ARL8B: variants seen among roughly 807,000 people sequenced by gnomAD.
The protein encoded by ARL8B is ARF like GTPase 8B.
ARL8B carries 9 observed loss-of-function variants against 30.6 expected under a neutral mutation model. The ratio of observed to expected loss-of-function variants is 0.29; its 90% CI spans 0.18 to 0.51. ARL8B has a LOEUF of 0.51. Ranked by LOEUF, ARL8B falls within the 20% of genes least tolerant of loss-of-function variation. The probability of loss-of-function intolerance (pLI) is 0.97; values close to 1 mark genes in which losing one functional copy is unlikely to be tolerated. For synonymous variants in ARL8B, 74 were observed against 76.0 expected (o/e 0.97, Z 0.14); for missense variants, 130 against 227.2 (o/e 0.57, Z 2.75).
chr3:5,122,838 C>T (rs906307841), intron 1 of ARL8B, among the ~76,000 whole-genome samples: 1 of 152,162 alleles, frequency 6.6e-6, no homozygotes, highest in Admixed American at 6.6e-5. Flanking sequence ...GCTGTGTCCT[C>T]AACGCCGCGG....
At chr3:5,169,300 AGTGTTT>A (rs961271525) in intron 1 of ARL8B, among the ~76,000 whole-genome samples, 10 of 131,738 alleles carry the variant, frequency 7.6e-5, no homozygotes, top group East Asian at 2.3e-4. Flanking sequence ...AGTGAAATAC[AGTGTTT>A]GTGTGTGTGT....
chr3:5,178,652 C>G lies in ARL8B; in HGVS notation c.512-12C>G. 1 of 1,597,994 alleles carries G rather than the reference C, an allele frequency of 6.3e-7. No homozygotes were observed. The highest frequency in any genetic ancestry group is 8.5e-7 in the Non-Finnish European group (1 of 1,173,480). ...TAACTTTAATGTCTTCACTTTTCCCCTCTATCTTTAGATATCACACTTCAG... is the reference window on the plus strand; with the variant it reads ...TAACTTTAATGTCTTCACTTTTCCCGTCTATCTTTAGATATCACACTTCAG... On this transcript the variant is annotated splice_polypyrimidine_tract_variant and intron_variant, in intron 6 of 6. Transcript: ENST00000256496.
chr3:5,159,297 CAAAAAAAAAA>C (rs56033027), intron 1 of ARL8B, among the ~76,000 whole-genome samples: 6 of 53,020 alleles, frequency 1.1e-4, no homozygotes, highest in Non-Finnish European at 1.4e-4. Context: ...GACTCTGTCT[CAAAAAAAAAA>C]AAAAAAAAAA....
At chr3:5,122,821 T>G (rs1046127578) in intron 1 of ARL8B, among the ~76,000 whole-genome samples, 3 of 152,206 alleles carry the variant, frequency 2.0e-5, no homozygotes, top group Non-Finnish European at 4.4e-5. Flanking sequence ...GTAGACATTT[T>G]CCAAGGGCTG....
chr3:5,140,819 C>T (rs1006462660), intron 1 of ARL8B, among the ~76,000 whole-genome samples: 6 of 152,236 alleles, frequency 3.9e-5, no homozygotes, highest in East Asian at 1.9e-4. Flanking sequence ...TGTTGGTTCA[C>T]GCCTGTGAGA....
At chr3:5,126,483 T>C (rs2054230998) in intron 1 of ARL8B, among the ~76,000 whole-genome samples, 1 of 152,208 alleles carries the variant, frequency 6.6e-6, no homozygotes, top group African/African-American at 2.4e-5. Flanking sequence ...AAAATGTCAC[T>C]ACATGTGCCT....
intron 1 of ARL8B, among the ~76,000 whole-genome samples, chr3:5,133,256 T>G (rs988426215): frequency 6.6e-6 from 1 of 152,144 alleles, no homozygotes; most frequent in Admixed American, 6.5e-5. Context: ...TGACTGAGTG[T>G]GACATTAGGC....
intron 1 of ARL8B, among the ~76,000 whole-genome samples, chr3:5,158,974 G>T (rs144778832): frequency 1.1e-3 from 160 of 152,190 alleles, no homozygotes; most frequent in Middle Eastern, 0.01. Flanking sequence ...AAAACTGAAG[G>T]ACAGCAATGC....
At position 5,122,568 on chromosome 3, in the gene ARL8B, A is replaced by G; in HGVS notation, c.103A>G (p.Thr35Ala). ...GGGGCTGCAGTACTCGGGCAAGACC[A>G]CCTTCGTCAATGTCATCGCGGTGAG... ...LVGLQYSGKT[T>A]FVNVIASGQF... Residue 35 changes from threonine (T) to alanine (A), a missense_variant, in exon 1 of 7, where the codon ACC becomes GCC. By Grantham distance (58) the Thr-to-Ala change is moderately conservative. Transcript: ENST00000256496. 1 of 1,605,194 alleles carries G rather than the reference A, an allele frequency of 6.2e-7. No individual in the cohort carries two copies. The highest frequency in any genetic ancestry group is 8.5e-7 in the Non-Finnish European group (1 of 1,174,628).
intron 1 of ARL8B, among the ~76,000 whole-genome samples, chr3:5,142,193 A>T (rs1559278435): frequency 1.3e-5 from 2 of 152,256 alleles, no homozygotes; most frequent in South Asian, 2.1e-4. Context: ...ACCAGACGTT[A>T]GCCTGGGGTA....
intron 1 of ARL8B, among the ~76,000 whole-genome samples, chr3:5,168,110 G>A (rs1013042630): frequency 6.6e-6 from 1 of 152,138 alleles, no homozygotes; most frequent in Admixed American, 6.6e-5. Flanking sequence ...CTGGAGTACA[G>A]TGGCACAATC....
intron 1 of ARL8B, among the ~76,000 whole-genome samples, chr3:5,154,221 T>C (rs945953222): frequency 6.6e-6 from 1 of 152,216 alleles, no homozygotes; most frequent in Admixed American, 6.5e-5. Flanking sequence ...AATTACTCTC[T>C]CTCTTATTCC....
chr3:5,156,938 C>T (rs893498978), intron 1 of ARL8B: 6 of 152,034 alleles, frequency 3.9e-5, no homozygotes, highest in Non-Finnish European at 8.8e-5. Flanking sequence ...ATTTTGGATA[C>T]TTTTGGATTC....
chr3:5,122,297 A>C lies in ARL8B; in HGVS notation c.-169A>C. ...CGTGGGGGGTAGGGCGAGTCATATG[A>C]TCCGCTCGGCTTCCTGGGTCTGGCT... On this transcript the variant is annotated 5_prime_UTR_variant, in exon 1 of 7. Transcript: ENST00000256496. The C allele has an allele frequency of 6.7e-7, 1 of 1,503,408 alleles. No individual in the cohort carries two copies. Among genetic ancestry groups the C allele is most frequent in the Non-Finnish European group, 8.9e-7 (1 of 1,127,344 alleles). 93.1% of individuals were successfully genotyped at this position (1,503,408 alleles called of 1,614,324 possible).
At chr3:5,126,017 A>T (rs2054227294) in intron 1 of ARL8B, among the ~76,000 whole-genome samples, 1 of 152,192 alleles carries the variant, frequency 6.6e-6, no homozygotes, top group African/African-American at 2.4e-5. Flanking sequence ...TGATTTGTCA[A>T]TTAAAAGTAA....
chr3:5,132,518 CG>C (rs1236269653), intron 1 of ARL8B, among the ~76,000 whole-genome samples: 5 of 152,170 alleles, frequency 3.3e-5, no homozygotes, highest in African/African-American at 1.2e-4. Context: ...GGATTACAGG[CG>C]TGAGCCACTG....
chr3:5,123,506 T>G (rs11920499), intron 1 of ARL8B, among the ~76,000 whole-genome samples: 10,340 of 152,226 alleles, frequency 0.068, 546 homozygotes, highest in Admixed American at 0.13. Flanking sequence ...AGATTTCGCC[T>G]CGATCTTTAT....
chr3:5,133,629 T>A (rs1392850759), intron 1 of ARL8B, among the ~76,000 whole-genome samples: 1 of 152,008 alleles, frequency 6.6e-6, no homozygotes, highest in Non-Finnish European at 1.5e-5. Flanking sequence ...GATTTGAGTA[T>A]AAATTGTATT....
chr3:5,145,229 C>A (rs2054408160), intron 1 of ARL8B, among the ~76,000 whole-genome samples: 1 of 152,128 alleles, frequency 6.6e-6, no homozygotes, highest in South Asian at 2.1e-4. Context: ...TCTTTGTTCT[C>A]TCCTTTGTAT....
Sources: allele counts gnomAD v4.1 joint callset (sites outside exome capture counted in the v4.1 genomes callset), GRCh38; gene constraint gnomAD v4.1.1; transcripts MANE v1.5; gene names NCBI Gene and HGNC (gene_info 2026-07-23, HGNC 2026-07-21).